Variants in SLCO2B1 observed in about 807,000 individuals in gnomAD.
SLCO2B1 encodes the protein solute carrier organic anion transporter family member 2B1.
SLCO2B1 carries 41 observed loss-of-function variants against 67.3 expected under a neutral mutation model. That is an observed-to-expected ratio of 0.61 (90% confidence interval 0.47 to 0.79). The LOEUF is 0.79. SLCO2B1 is among the 30% of genes least tolerant of loss of function. The pLI is 0.00. For synonymous variants in SLCO2B1, 379 were observed against 381.4 expected (o/e 0.99, Z 0.07); for missense variants, 837 against 920.1 (o/e 0.91, Z 1.17).
intron 4 of SLCO2B1, among the ~76,000 whole-genome samples, chr11:75,167,610 G>A (rs1162011075): frequency 6.6e-6 from 1 of 152,142 alleles, no homozygotes; most frequent in Non-Finnish European, 1.5e-5. Flanking sequence ...CAGGGCACTG[G>A]GGACACAGGG....
intron 2 of SLCO2B1, among the ~76,000 whole-genome samples, chr11:75,163,500 C>T (rs1591811253): frequency 6.6e-6 from 1 of 151,946 alleles, no homozygotes; most frequent in Middle Eastern, 3.2e-3. Context: ...GAGATAGCTT[C>T]CCTGAGAGAG....
chr11:75,184,323 A>G (rs1477752473), intron 7 of SLCO2B1, among the ~76,000 whole-genome samples: 2 of 152,230 alleles, frequency 1.3e-5, no homozygotes, highest in Non-Finnish European at 2.9e-5. Context: ...AGGGTCCAGC[A>G]GGGGAGAAAG....
At chr11:75,163,087 C>G (rs577193733) in intron 2 of SLCO2B1, among the ~76,000 whole-genome samples, 26 of 152,202 alleles carry the variant, frequency 1.7e-4, no homozygotes, top group African/African-American at 6.3e-4. Context: ...CTGGGGATCC[C>G]GAACCTATGT....
chr11:75,195,792 C>A (rs1194351221), intron 9 of SLCO2B1, among the ~76,000 whole-genome samples: 1 of 152,224 alleles, frequency 6.6e-6, no homozygotes, highest in Non-Finnish European at 1.5e-5. Context: ...TAGCTGTGCT[C>A]CCCGCTAGCG....
At chr11:75,172,246 A>G in intron 6 of SLCO2B1, 133 bp from the exon 7 acceptor site, 1 of 739,946 alleles carries the variant, frequency 1.4e-6, no homozygotes, top group Non-Finnish European at 2.2e-6. Context: ...CACCTGGCAG[A>G]GCAGACTGGA....
chr11:75,192,058 G>A (rs966825526), intron 8 of SLCO2B1, among the ~76,000 whole-genome samples: 8 of 151,982 alleles, frequency 5.3e-5, no homozygotes, highest in Non-Finnish European at 1.0e-4. Context: ...CCCCTCCTGG[G>A]CCCCTACTCA....
intron 7 of SLCO2B1, among the ~76,000 whole-genome samples, chr11:75,186,212 ATTT>A (rs761648712): frequency 7.0e-6 from 1 of 142,262 alleles, no homozygotes; most frequent in Non-Finnish European, 1.5e-5. Flanking sequence ...CACCTGGCTG[ATTT>A]TTTTTTTTTT....
In SLCO2B1 at chr11:75,196,100, G is replaced by A. The variant is rs1246149725; in HGVS notation, c.1434-414G>A. On this transcript the variant is annotated intron_variant, in intron 9 of 13. Transcript: ENST00000289575. ...GGCAGGAACAGGCTGGAGATCCCACGGGTGGTCAGGTCTCCTGATCGGGTC... is the reference window on the plus strand; with the variant it reads ...GGCAGGAACAGGCTGGAGATCCCACAGGTGGTCAGGTCTCCTGATCGGGTC... Among the ~76,000 whole-genome samples the A allele has an allele frequency of 2.0e-5, 3 of 152,210 alleles. No individual in the cohort carries two copies. The East Asian group carries it at 5.8e-4, about 29-fold the overall frequency.
At chr11:75,203,596 C>G (rs1305598844) in intron 13 of SLCO2B1, 169 bp downstream of exon 13, 2 of 779,388 alleles carry the variant, frequency 2.6e-6, no homozygotes, top group Non-Finnish European at 2.0e-6. Context: ...AACACTGCCC[C>G]CCTCCTTTTA....
intron 4 of SLCO2B1, 49 bp from the exon 5 acceptor site, chr11:75,169,124 A>G: frequency 6.8e-7 from 1 of 1,468,002 alleles, no homozygotes; most frequent in Non-Finnish European, 9.3e-7. Flanking sequence ...GGTAAGCGCT[A>G]TTTAAGTCTT....
At chr11:75,179,076 G>A (rs1440891681) in intron 7 of SLCO2B1, among the ~76,000 whole-genome samples, 2 of 152,116 alleles carry the variant, frequency 1.3e-5, no homozygotes, top group Non-Finnish European at 2.9e-5. Context: ...CAATAAGCGT[G>A]AGAGTGCAGA....
intron 1 of SLCO2B1, among the ~76,000 whole-genome samples, chr11:75,156,904 C>T (rs1949753452): frequency 6.6e-6 from 1 of 152,218 alleles, no homozygotes. Flanking sequence ...AACCAGAGGG[C>T]ATTCTCATCG....
chr11:75,174,493 C>A (rs890249456), intron 7 of SLCO2B1, among the ~76,000 whole-genome samples: 1 of 152,130 alleles, frequency 6.6e-6, no homozygotes, highest in South Asian at 2.1e-4. Context: ...TTGGGGACTG[C>A]ACATAGCTGC....
chr11:75,151,433 GC>G (rs1167921912), intron 1 of SLCO2B1, 36 bp downstream of exon 1: 21 of 1,611,804 alleles, frequency 1.3e-5, no homozygotes, highest in Non-Finnish European at 1.6e-5. Context: ...GCCATGGAGA[GC>G]AAGCCTGGGG....
At chr11:75,156,516 A>G (rs1012853336) in intron 1 of SLCO2B1, among the ~76,000 whole-genome samples, 2 of 152,046 alleles carry the variant, frequency 1.3e-5, no homozygotes, top group African/African-American at 4.8e-5. Context: ...TCCCACCCCA[A>G]CACCTCTGGA....
chr11:75,155,584 A>G (rs564065501), intron 1 of SLCO2B1, among the ~76,000 whole-genome samples: 43 of 152,172 alleles, frequency 2.8e-4, no homozygotes, highest in African/African-American at 9.1e-4. Context: ...CAACCTCCCA[A>G]GTAGCGGGGA....
At chr11:75,159,831 T>C (rs1380159862) in intron 1 of SLCO2B1, 1 of 985,296 alleles carries the variant, frequency 1.0e-6, no homozygotes, top group African/African-American at 1.7e-5. Flanking sequence ...CTTTGAGCCT[T>C]GGCAGAAAAG....
chr11:75,164,979 C>T (rs1187840038), intron 3 of SLCO2B1, among the ~76,000 whole-genome samples: 1 of 152,128 alleles, frequency 6.6e-6, no homozygotes, highest in Non-Finnish European at 1.5e-5. Flanking sequence ...GATCCACTCC[C>T]CCAGCGAGGA....
chr11:75,152,512 A>T (rs540854990), intron 1 of SLCO2B1: 2 of 152,410 alleles, frequency 1.3e-5, no homozygotes, highest in South Asian at 4.2e-4. Context: ...ACAGATGAGA[A>T]TGAGGTCAGA....
Sources: gnomAD v4.1 joint callset for allele counts (sites outside exome capture counted in the v4.1 genomes callset) on GRCh38, gnomAD v4.1.1 for gene constraint, MANE v1.5 for transcripts, NCBI Gene and HGNC (gene_info 2026-07-23, HGNC 2026-07-21) for gene names.